The following SCN11A variants were observed in gnomAD, a reference collection of about 807,000 sequenced individuals.
SCN11A encodes sodium voltage-gated channel alpha subunit 11.
SCN11A carries 122 observed loss-of-function variants against 162.2 expected under a neutral mutation model. The ratio of observed to expected loss-of-function variants is 0.75; its 90% confidence interval spans 0.65 to 0.87. The LOEUF is 0.87. SCN11A is among the 40% of genes least tolerant of loss of function. SCN11A has a pLI of 0.00. For missense variants in SCN11A, 2,015 were observed against 2,181.6 expected (o/e 0.92, Z 1.52); for synonymous variants, 758 against 751.5 (o/e 1.01, Z -0.14).
At chr3:38,872,688 A>G (rs926885878) in intron 23 of SCN11A, among the ~76,000 whole-genome samples, 4 of 152,198 alleles carry the variant, frequency 2.6e-5, no homozygotes, top group African/African-American at 4.8e-5. Context: ...TCAATGTTAA[A>G]TTTCTAACTT....
intron 7 of SCN11A, among the ~76,000 whole-genome samples, chr3:38,935,944 G>C (rs563667548): frequency 2.0e-5 from 3 of 152,320 alleles, no homozygotes; most frequent in East Asian, 3.9e-4. Flanking sequence ...CAATATCTTT[G>C]ATGAACTTGG....
chr3:38,851,674 T>A (rs1325924526), intron 28 of SCN11A, among the ~76,000 whole-genome samples: 1 of 152,256 alleles, frequency 6.6e-6, no homozygotes, highest in African/African-American at 2.4e-5. Context: ...TGTGTACATA[T>A]TGTTTTATAT....
intron 7 of SCN11A, among the ~76,000 whole-genome samples, chr3:38,933,883 G>C (rs1575310523): frequency 6.6e-6 from 1 of 152,170 alleles, no homozygotes. Flanking sequence ...ACGCCACAAA[G>C]ATACTCCTTG....
chr3:39,027,656 G>A (rs1278849453), intron 2 of SCN11A, among the ~76,000 whole-genome samples: 2 of 152,152 alleles, frequency 1.3e-5, no homozygotes, highest in Non-Finnish European at 2.9e-5. Flanking sequence ...CCCGACTGGG[G>A]AGGCTGTTTA....
At chr3:38,954,323 A>G (rs1367037617) in intron 3 of SCN11A, among the ~76,000 whole-genome samples, 1 of 152,238 alleles carries the variant, frequency 6.6e-6, no homozygotes, top group Non-Finnish European at 1.5e-5. Flanking sequence ...AATTCAGAGC[A>G]TAAGTCTTTT....
intron 1 of SCN11A, among the ~76,000 whole-genome samples, chr3:39,039,975 C>T (rs2032003095): frequency 6.6e-6 from 1 of 152,346 alleles, no homozygotes; most frequent in South Asian, 2.1e-4. Flanking sequence ...CTAGCACACA[C>T]CACCTCTGCT....
intron 1 of SCN11A, among the ~76,000 whole-genome samples, chr3:39,049,468 A>C (rs1241500271): frequency 6.6e-6 from 1 of 152,256 alleles, no homozygotes; most frequent in Non-Finnish European, 1.5e-5. Flanking sequence ...ATCTCAATCT[A>C]GAATAAACAT....
intron 2 of SCN11A, among the ~76,000 whole-genome samples, chr3:39,022,478 T>A (rs929392744): frequency 6.6e-6 from 1 of 152,172 alleles, no homozygotes; most frequent in African/African-American, 2.4e-5. Context: ...TTATGAACCT[T>A]ATCTTTCTTC....
intron 15 of SCN11A, 87 bp from the exon 16 acceptor site, chr3:38,904,190 C>T: frequency 1.3e-6 from 1 of 765,782 alleles, no homozygotes; most frequent in Admixed American, 2.9e-5. Flanking sequence ...CCTCCCTCTT[C>T]CCCAGGGCCT....
intron 2 of SCN11A, among the ~76,000 whole-genome samples, chr3:38,971,956 G>T (rs1035116692): frequency 6.6e-6 from 1 of 152,194 alleles, no homozygotes; most frequent in Non-Finnish European, 1.5e-5. Context: ...GGAGGAAGGA[G>T]GGAGGCAGAG....
intron 2 of SCN11A, among the ~76,000 whole-genome samples, chr3:39,026,407 C>G (rs1214421130): frequency 6.6e-6 from 1 of 152,184 alleles, no homozygotes; most frequent in East Asian, 1.9e-4. Flanking sequence ...GAACTACAAC[C>G]TCGCCGGGTC....
intron 27 of SCN11A, 124 bp downstream of exon 27, chr3:38,867,197 C>A (rs1367438960): frequency 1.2e-6 from 1 of 867,700 alleles, no homozygotes; most frequent in Non-Finnish European, 1.8e-6. Context: ...GGGAGGCTCC[C>A]TCCTTGTTAT....
At chr3:39,022,475 C>A (rs1433862460) in intron 2 of SCN11A, among the ~76,000 whole-genome samples, 1 of 152,138 alleles carries the variant, frequency 6.6e-6, no homozygotes, top group Non-Finnish European at 1.5e-5. Context: ...CATTTATGAA[C>A]CTTATCTTTC....
At chr3:38,941,263 G>T (rs1342598198) in intron 7 of SCN11A, among the ~76,000 whole-genome samples, 3 of 152,148 alleles carry the variant, frequency 2.0e-5, no homozygotes, top group African/African-American at 7.2e-5. Flanking sequence ...TACTTAAAGT[G>T]CTAGAAAAAC....
chr3:39,007,454 G>A (rs898479172), intron 2 of SCN11A, among the ~76,000 whole-genome samples: 1 of 152,116 alleles, frequency 6.6e-6, no homozygotes, highest in Non-Finnish European at 1.5e-5. Flanking sequence ...AATGACTGGT[G>A]GCTGGGTTCC....
At chr3:39,030,161 G>A (rs747719013) in intron 2 of SCN11A, among the ~76,000 whole-genome samples, 2 of 152,192 alleles carry the variant, frequency 1.3e-5, no homozygotes, top group Non-Finnish European at 2.9e-5. Context: ...TCTAAGTGGG[G>A]AGGGGCATGG....
intron 2 of SCN11A, among the ~76,000 whole-genome samples, chr3:39,005,112 G>A (rs1292922805): frequency 6.6e-6 from 1 of 152,182 alleles, no homozygotes; most frequent in East Asian, 1.9e-4. Context: ...AGGGCAGGGA[G>A]TTTCACAATG....
chr3:38,929,147 A>G (rs1325763544), intron 7 of SCN11A, among the ~76,000 whole-genome samples: 1 of 117,136 alleles, frequency 8.5e-6, no homozygotes, highest in Non-Finnish European at 2.0e-5. Context: ...ACACACACAC[A>G]CACACACACA....
intron 13 of SCN11A, 116 bp downstream of exon 13, chr3:38,908,881 A>C: frequency 1.2e-6 from 1 of 806,392 alleles, no homozygotes; most frequent in South Asian, 1.6e-5. Flanking sequence ...AAGCACCAGT[A>C]GAGAAAGCAC....
Sources: gnomAD v4.1 joint callset for allele counts (sites outside exome capture counted in the v4.1 genomes callset) on GRCh38, gnomAD v4.1.1 for gene constraint, MANE v1.5 for transcripts, NCBI Gene and HGNC (gene_info 2026-07-23, HGNC 2026-07-21) for gene names.